PIKFYVE: variants seen among roughly 807,000 people sequenced by gnomAD.
PIKFYVE encodes the protein phosphoinositide kinase, FYVE-type zinc finger containing.
A neutral mutation model predicts 257.9 loss-of-function variants in PIKFYVE; 122 were observed. The observed-to-expected ratio is 0.47, with a 90% CI of 0.41 to 0.55. PIKFYVE has a LOEUF of 0.55. PIKFYVE is among the 20% of genes least tolerant of loss of function. PIKFYVE has a pLI of 0.00. For missense variants in PIKFYVE, 2,160 were observed against 2,536.6 expected (o/e 0.85, Z 3.19); for synonymous variants, 892 against 868.9 (o/e 1.03, Z -0.47).
At chr2:208,328,912 C>T (rs146118170) in intron 21 of PIKFYVE, among the ~76,000 whole-genome samples, 1 of 152,222 alleles carries the variant, frequency 6.6e-6, no homozygotes, top group Non-Finnish European at 1.5e-5. Context: ...AAAGTTGACA[C>T]ACAAAAAGCT....
intron 13 of PIKFYVE, among the ~76,000 whole-genome samples, chr2:208,313,717 G>C (rs1049018404): frequency 1.3e-5 from 2 of 151,888 alleles, no homozygotes; most frequent in African/African-American, 4.8e-5. Flanking sequence ...CTTGTAGCTG[G>C]GATTACAGGC....
At chr2:208,299,291 T>C (rs1447672913) in intron 8 of PIKFYVE, among the ~76,000 whole-genome samples, 1 of 150,864 alleles carries the variant, frequency 6.6e-6, no homozygotes, top group Non-Finnish European at 1.5e-5. Context: ...TCTTTCTTTA[T>C]TATTATTATT....
chr2:208,329,730 A>G (rs1360414619), intron 21 of PIKFYVE, 112 bp from the exon 22 acceptor site: 8 of 1,509,424 alleles, frequency 5.3e-6, no homozygotes, highest in South Asian at 1.2e-5. Flanking sequence ...ACCTCCTTTC[A>G]TACTTCATTG....
chr2:208,267,965 GTT>G (rs1400540977), intron 1 of PIKFYVE, among the ~76,000 whole-genome samples: 2 of 152,230 alleles, frequency 1.3e-5, no homozygotes, highest in Non-Finnish European at 2.9e-5. Flanking sequence ...GCTTCTGATA[GTT>G]TGTAGTAGGT....
chr2:208,274,024 A>G (rs1436308063), intron 3 of PIKFYVE: 3 of 1,612,134 alleles, frequency 1.9e-6, no homozygotes, highest in Non-Finnish European at 2.5e-6. Flanking sequence ...TCAGCAGACA[A>G]CAGTTTGCAA....
chr2:208,285,047 T>C (rs943473498), intron 5 of PIKFYVE, among the ~76,000 whole-genome samples: 4 of 148,954 alleles, frequency 2.7e-5, no homozygotes, highest in Non-Finnish European at 5.9e-5. Flanking sequence ...CAAAATTTTC[T>C]GGTATCATTG....
intron 7 of PIKFYVE, 97 bp from the exon 8 acceptor site, chr2:208,298,544 G>A (rs1027401595): frequency 1.5e-6 from 2 of 1,375,652 alleles, no homozygotes; most frequent in Non-Finnish European, 2.0e-6. Context: ...CTTAACATTG[G>A]TAAATAAGCA....
chr2:208,302,217 T>A, intron 9 of PIKFYVE, 25 bp from the exon 10 acceptor site: 2 of 1,606,266 alleles, frequency 1.2e-6, no homozygotes, highest in Non-Finnish European at 1.7e-6. Context: ...TTTAAAACTT[T>A]TCATTTTTGT....
At chr2:208,285,368 T>C (rs921581047) in intron 5 of PIKFYVE, among the ~76,000 whole-genome samples, 1 of 152,250 alleles carries the variant, frequency 6.6e-6, no homozygotes, top group Non-Finnish European at 1.5e-5. Context: ...GTGTTGGGAT[T>C]ATAGGCGTGA....
intron 31 of PIKFYVE, among the ~76,000 whole-genome samples, chr2:208,341,252 C>T (rs1457629283): frequency 1.3e-5 from 2 of 152,064 alleles, no homozygotes; most frequent in Non-Finnish European, 2.9e-5. Flanking sequence ...AGGTGATCTG[C>T]CCACCTCTGT....
intron 13 of PIKFYVE, among the ~76,000 whole-genome samples, chr2:208,313,220 C>T (rs1559104840): frequency 1.3e-5 from 2 of 152,064 alleles, no homozygotes; most frequent in Admixed American, 6.5e-5. Context: ...TCAGATTATT[C>T]AACAGTTATT....
intron 3 of PIKFYVE, among the ~76,000 whole-genome samples, chr2:208,275,134 G>C (rs1689939896): frequency 6.6e-6 from 1 of 152,222 alleles, no homozygotes; most frequent in Non-Finnish European, 1.5e-5. Context: ...TAAAAGGGCT[G>C]TAATTCTATA....
intron 12 of PIKFYVE, among the ~76,000 whole-genome samples, chr2:208,307,688 T>G (rs1214249443): frequency 6.6e-6 from 1 of 152,168 alleles, no homozygotes; most frequent in African/African-American, 2.4e-5. Flanking sequence ...TGGTGGTGAC[T>G]GGGCCACCAG....
rs529882933 is a variant in PIKFYVE at position 208,270,149 on chromosome 2, C to T, written c.-9-1362C>T. Among the ~76,000 whole-genome samples, 24 of 146,744 alleles carry T rather than the reference C, an allele frequency of 1.6e-4. No individual in the cohort carries two copies. The East Asian group carries it at 4.6e-3, about 28-fold the overall frequency. ...CTCCGCCTCCTGGGTTCCAGCGATTCTCCTGCCTCAGCCTCCTGAGTAGCT... is the reference window on the plus strand; with the variant it reads ...CTCCGCCTCCTGGGTTCCAGCGATTTTCCTGCCTCAGCCTCCTGAGTAGCT... On this transcript the variant is annotated intron_variant, in intron 1 of 41. Transcript: ENST00000264380.
chr2:208,350,828 A>G lies in PIKFYVE; in HGVS notation c.5492A>G (p.His1831Arg). ...YCRLYYAGEF[H>R]KMREVILDSS... ...CGGCTCTACTATGCGGGAGAGTTTC[A>G]TAAGATGCGTGAAGTGATTCTGGAC... The change falls in exon 37 of 42, where the codon CAT (histidine) becomes CGT (arginine). Residue 1831 changes from histidine (H) to arginine (R), a missense_variant. Physicochemically the swap from His to Arg is conservative, Grantham distance 29. Around this residue, in one of 12 missense-constraint regions of PIKFYVE, gnomAD observed 699 missense variants for 855.8 expected, o/e 0.82. Coordinates refer to ENST00000264380, the MANE Select transcript of PIKFYVE (RefSeq NM_015040.4). The G allele has an allele frequency of 1.2e-5, 20 of 1,614,204 alleles. No individual in the cohort carries two copies. The highest frequency in any genetic ancestry group is 1.6e-5 in the Non-Finnish European group (19 of 1,180,034).
At chr2:208,335,689 C>T in intron 25 of PIKFYVE, 104 bp from the exon 26 acceptor site, 1 of 990,714 alleles carries the variant, frequency 1.0e-6, no homozygotes, top group Non-Finnish European at 1.6e-6. Flanking sequence ...TTAGGTAAAA[C>T]ATAATTTCAA....
At chr2:208,350,225 A>G (rs2125805701) in intron 36 of PIKFYVE, 142 bp downstream of exon 36, 3 of 1,197,194 alleles carry the variant, frequency 2.5e-6, no homozygotes, top group Non-Finnish European at 2.1e-6. Context: ...GACATGAGGT[A>G]TATTTAATCA....
At chr2:208,276,682 C>T in intron 3 of PIKFYVE, 30 bp from the exon 4 acceptor site, 1 of 1,529,634 alleles carries the variant, frequency 6.5e-7, no homozygotes, top group South Asian at 1.1e-5. Context: ...GGACTGTTAA[C>T]AAGGTTGCTT....
At chr2:208,273,523 A>G in intron 2 of PIKFYVE, 61 bp from the exon 3 acceptor site, 19 of 1,606,024 alleles carry the variant, frequency 1.2e-5, no homozygotes, top group Non-Finnish European at 1.6e-5. Context: ...ATTTTCATCT[A>G]CTTCCTTCTC....
Sources: gnomAD v4.1 joint callset for allele counts (sites outside exome capture counted in the v4.1 genomes callset) on GRCh38, gnomAD v4.1.1 for gene constraint, gnomAD v4.1.1 regional missense constraint, MANE v1.5 for transcripts, NCBI Gene and HGNC (gene_info 2026-07-23, HGNC 2026-07-21) for gene names.